The following CDH6 variants were observed in gnomAD, a reference collection of about 807,000 sequenced individuals.
CDH6 encodes cadherin-6.
In CDH6, 31 loss-of-function variants were observed where a neutral mutation model predicts 78.0. That is an observed-to-expected ratio of 0.40 (90% CI 0.30 to 0.54). CDH6 has a LOEUF of 0.54. Among genes scored for constraint, CDH6 ranks in the 20% least tolerant of loss-of-function variants. The pLI, the probability that CDH6 is intolerant of heterozygous loss-of-function variation, is 0.56. For missense variants in CDH6, 724 were observed against 975.9 expected (o/e 0.74, Z 3.44); for synonymous variants, 376 against 368.8 (o/e 1.02, Z -0.23).
intron 8 of CDH6, among the ~76,000 whole-genome samples, 193 bp downstream of exon 8, chr5:31,313,647 C>A (rs1296269722): frequency 6.6e-6 from 1 of 152,070 alleles, no homozygotes; most frequent in Non-Finnish European, 1.5e-5. Flanking sequence ...GAGAGGCAAC[C>A]ATGGAAGTTC....
intron 1 of CDH6, among the ~76,000 whole-genome samples, chr5:31,262,296 G>C (rs1270957311): frequency 6.6e-6 from 1 of 152,210 alleles, no homozygotes; most frequent in Non-Finnish European, 1.5e-5. Context: ...AGCTATGTGG[G>C]CCTTGCCCCA....
intron 2 of CDH6, among the ~76,000 whole-genome samples, chr5:31,268,433 C>A (rs1370140320): frequency 1.3e-5 from 2 of 152,164 alleles, no homozygotes; most frequent in Non-Finnish European, 2.9e-5. Flanking sequence ...GATTCTGGAG[C>A]TGAGTCAGGG....
In CDH6 at chr5:31,326,295, T is replaced by C. The variant is rs1353727445; in HGVS notation, c.*2987T>C. On this transcript the variant is annotated 3_prime_UTR_variant, in exon 12 of 12. Transcript: ENST00000265071. ...TTTGCCCTCTATTCAAAAGCAAGAG[T>C]TCCTTTAAACTACTAAGATATTCCC... The C allele has an allele frequency of 9.1e-6, 2 of 219,762 alleles. No homozygotes were observed. Among genetic ancestry groups the C allele is most frequent in the Non-Finnish European group, 1.8e-5 (2 of 109,606 alleles). The allele number at this position is 219,762 out of a possible 1,614,324, so 13.6% of individuals were successfully genotyped here.
chr5:31,205,417 C>T (rs1451283758), intron 1 of CDH6, among the ~76,000 whole-genome samples: 1 of 152,160 alleles, frequency 6.6e-6, no homozygotes, highest in African/African-American at 2.4e-5. Context: ...GCCACCAGCC[C>T]TCACCTTCCT....
chr5:31,295,279 T>C (rs1439961739), intron 3 of CDH6, among the ~76,000 whole-genome samples: 1 of 152,168 alleles, frequency 6.6e-6, no homozygotes, highest in Non-Finnish European at 1.5e-5. Flanking sequence ...TTCTTCTTCT[T>C]CACTGCTTAT....
intron 1 of CDH6, among the ~76,000 whole-genome samples, chr5:31,196,951 C>T (rs1189809661): frequency 1.3e-5 from 2 of 151,880 alleles, no homozygotes; most frequent in Admixed American, 6.6e-5. Context: ...TGAAGAGCGC[C>T]GCCGCCCCCC....
chr5:31,268,967 G>A (rs997763567), intron 2 of CDH6, among the ~76,000 whole-genome samples: 1 of 152,192 alleles, frequency 6.6e-6, no homozygotes, highest in South Asian at 2.1e-4. Context: ...CAAGGATCTA[G>A]CCATGTATTT....
chr5:31,199,504 GTA>G (rs1380229852), intron 1 of CDH6, among the ~76,000 whole-genome samples: 1,752 of 93,672 alleles, frequency 0.019, 30 homozygotes, highest in African/African-American at 0.054. Flanking sequence ...ACACATATGT[GTA>G]TATATATGTA....
intron 1 of CDH6, among the ~76,000 whole-genome samples, chr5:31,263,967 A>C (rs1742277240): frequency 6.6e-6 from 1 of 152,216 alleles, no homozygotes; most frequent in South Asian, 2.1e-4. Flanking sequence ...AAATGGAAAG[A>C]AGAAAATATA....
chr5:31,313,205 T>A (rs941276266), intron 7 of CDH6, 113 bp from the exon 8 acceptor site: 13 of 922,382 alleles, frequency 1.4e-5, no homozygotes, highest in African/African-American at 3.3e-5. Flanking sequence ...GAAAAAAATT[T>A]ATGCCACAGA....
intron 1 of CDH6, among the ~76,000 whole-genome samples, chr5:31,239,423 A>T (rs1269950266): frequency 1.3e-5 from 2 of 152,124 alleles, no homozygotes; most frequent in African/African-American, 4.8e-5. Flanking sequence ...CCAAATCCGT[A>T]TTTCTTATCC....
intron 1 of CDH6, among the ~76,000 whole-genome samples, chr5:31,225,296 A>G (rs1741120520): frequency 6.6e-6 from 1 of 152,200 alleles, no homozygotes; most frequent in Non-Finnish European, 1.5e-5. Context: ...GGCTGACATC[A>G]TCCCTCAGAG....
intron 1 of CDH6, among the ~76,000 whole-genome samples, chr5:31,215,348 A>C (rs1740834417): frequency 6.6e-6 from 1 of 152,198 alleles, no homozygotes; most frequent in African/African-American, 2.4e-5. Flanking sequence ...TAATAGGTTT[A>C]GGGGTACCAT....
rs1306505365 is a variant in CDH6, at chr5:31,248,250, T to A, written c.-128-19096T>A. Among the ~76,000 whole-genome samples the A allele has an allele frequency of 2.6e-5, 4 of 152,302 alleles. No homozygotes were observed. In the East Asian group the frequency reaches 5.8e-4, roughly 22 times the overall value. On this transcript the variant is annotated intron_variant, in intron 1 of 11. Transcript: ENST00000265071. The stretch of plus-strand genomic sequence containing the variant: ...CCTCAAAGCAATCTTTCAAAGTAAG[T>A]ATTGGAAATAACTTTTCTGTGAACT...
intron 1 of CDH6, among the ~76,000 whole-genome samples, chr5:31,255,023 A>AT (rs1330643546): frequency 6.6e-6 from 1 of 152,242 alleles, no homozygotes; most frequent in African/African-American, 2.4e-5. Flanking sequence ...ATTAAAAAAT[A>AT]TTTTTCTGTA....
At chr5:31,303,735 G>A (rs1365661994) in intron 6 of CDH6, among the ~76,000 whole-genome samples, 4 of 152,098 alleles carry the variant, frequency 2.6e-5, no homozygotes, top group Admixed American at 6.6e-5. Context: ...AAAAGCATCG[G>A]TGGATGTAAA....
At chr5:31,321,862 T>C (rs1168841339) in intron 11 of CDH6, among the ~76,000 whole-genome samples, 1 of 152,190 alleles carries the variant, frequency 6.6e-6, no homozygotes, top group African/African-American at 2.4e-5. Flanking sequence ...TAGATGGCTG[T>C]TTTCTCTCTA....
At chr5:31,245,966 G>A (rs1187155657) in intron 1 of CDH6, among the ~76,000 whole-genome samples, 1 of 139,826 alleles carries the variant, frequency 7.2e-6, no homozygotes, top group East Asian at 2.1e-4. Flanking sequence ...GGAGTGCAAT[G>A]GCACAATCTC....
chr5:31,276,003 T>G (rs1742680794), intron 2 of CDH6, among the ~76,000 whole-genome samples: 1 of 152,254 alleles, frequency 6.6e-6, no homozygotes, highest in Non-Finnish European at 1.5e-5. Flanking sequence ...TAGATGTCAA[T>G]GTGCCATTGC....
Sources: gnomAD v4.1 joint callset for allele counts (sites outside exome capture counted in the v4.1 genomes callset) on GRCh38, gnomAD v4.1.1 for gene constraint, MANE v1.5 for transcripts, NCBI Gene and HGNC (gene_info 2026-07-23, HGNC 2026-07-21) for gene names.